Variants in IQGAP1 observed in about 807,000 individuals in gnomAD.
IQGAP1 encodes ras GTPase-activating-like protein IQGAP1.
IQGAP1 carries 66 observed loss-of-function variants against 215.6 expected under a neutral mutation model. The ratio of observed to expected loss-of-function variants is 0.31; its 90% confidence interval spans 0.25 to 0.38. The LOEUF (loss-of-function observed/expected upper bound fraction) is 0.38, where lower values mean the gene tolerates loss of function less well. Among genes scored for constraint, IQGAP1 ranks in the 10% least tolerant of loss-of-function variants. The pLI is 1.00. For missense variants in IQGAP1, 1,712 were observed against 1,997.1 expected, an observed-to-expected ratio of 0.86 and a Z score of 2.72; for synonymous variants, 772 against 728.7, an observed-to-expected ratio of 1.06 and a Z score of -0.96.
Position 90,500,797 on chromosome 15 carries a change from G to A in IQGAP1, c.*689G>A, listed in dbSNP as rs887541354. ...GTAACTCCCCGACTAGTGGATGGGA[G>A]AGTCCCATTGCTAAAATTCAGCTAC... On this transcript the variant is annotated 3_prime_UTR_variant, in exon 38 of 38. Coordinates refer to ENST00000268182, the MANE Select transcript of IQGAP1 (RefSeq NM_003870.4). The A allele has an allele frequency of 2.0e-5, 3 of 152,486 alleles. No homozygotes were observed. Among genetic ancestry groups the A allele is most frequent in the Non-Finnish European group, 2.9e-5 (2 of 68,040 alleles). The allele number at this position is 152,486 out of a possible 1,614,324, so 9.4% of individuals were successfully genotyped here.
rs1172036781 is a variant in IQGAP1, at chr15:90,453,299, G to A, written c.1487+7G>A. 3 of 1,605,758 alleles carry A rather than the reference G, an allele frequency of 1.9e-6. No homozygotes were observed. Among genetic ancestry groups the A allele is most frequent in the South Asian group, 1.1e-5 (1 of 89,928 alleles). On this transcript the variant is annotated splice_region_variant and intron_variant, in intron 13 of 37. Coordinates refer to ENST00000268182, the MANE Select transcript of IQGAP1 (RefSeq NM_003870.4). ...AGGAAGAAAACTGTCAGAGGTGGGT[G>A]TCCAGAGTGAAGGGAATAAATCCAT...
In IQGAP1 at chr15:90,486,004, A is replaced by G. The variant is rs892078296; in HGVS notation, c.3922-26A>G. ...ACGGGCTGAAGAGTTGAATGTATAA[A>G]TGGAGTTGATCATTGGTGTTTGCAG... On this transcript the variant is annotated intron_variant, in intron 30 of 37. Coordinates refer to ENST00000268182, the MANE Select transcript of IQGAP1 (RefSeq NM_003870.4). 3.2e-6 allele frequency: 5 copies of G among 1,559,034 alleles called. No homozygotes were observed. The Admixed American group carries it at 6.7e-5, about 21-fold the overall frequency.
chr15:90,486,747 C>T (rs927426706), intron 31 of IQGAP1: 26 of 546,074 alleles, frequency 4.8e-5, no homozygotes, highest in Non-Finnish European at 9.7e-6. Context: ...AATGATTTCT[C>T]AAACATTTAT....
At chr15:90,464,204 CG>C (rs1965799824) in intron 15 of IQGAP1, among the ~76,000 whole-genome samples, 1 of 152,136 alleles carries the variant, frequency 6.6e-6, no homozygotes, top group South Asian at 2.1e-4. Flanking sequence ...GTTGGGTCTG[CG>C]TAGATCACCA....
chr15:90,481,014 G>A (rs1165370963), intron 26 of IQGAP1, among the ~76,000 whole-genome samples: 2 of 152,046 alleles, frequency 1.3e-5, no homozygotes, highest in East Asian at 3.9e-4. Context: ...CCTCAAATTG[G>A]GTGGCTTAAA....
chr15:90,459,156 T>G (rs902195678), intron 15 of IQGAP1, among the ~76,000 whole-genome samples: 1 of 152,120 alleles, frequency 6.6e-6, no homozygotes, highest in South Asian at 2.1e-4. Flanking sequence ...TCTATCCAGT[T>G]GTTGTTACTT....
At chr15:90,486,701 A>AT in intron 31 of IQGAP1, 1 of 433,372 alleles carries the variant, frequency 2.3e-6, no homozygotes, top group Non-Finnish European at 4.1e-6. Context: ...GCCAGAAAGA[A>AT]TGTTTTCAGA....
Position 90,500,650 on chromosome 15 carries a change from T to G in IQGAP1, c.*542T>G, listed in dbSNP as rs1175988487. The G allele has an allele frequency of 6.6e-6, 1 of 152,292 alleles. No homozygotes were observed. Among genetic ancestry groups the G allele is most frequent in the Admixed American group, 6.5e-5 (1 of 15,292 alleles). The allele number at this position is 152,292 out of a possible 1,614,324, so 9.4% of individuals were successfully genotyped here. On this transcript the variant is annotated 3_prime_UTR_variant, in exon 38 of 38. Coordinates refer to ENST00000268182, the MANE Select transcript of IQGAP1 (RefSeq NM_003870.4). ...ATGGGGAATCATTGGTTATCTTCCA[T>G]TGTGTTTTTCTTTATGGACAGGAGC...
intron 15 of IQGAP1, among the ~76,000 whole-genome samples, chr15:90,459,526 A>G (rs1965732109): frequency 6.6e-6 from 1 of 152,196 alleles, no homozygotes; most frequent in East Asian, 1.9e-4. Context: ...CTTTTTGAGG[A>G]TGTGACTATA....
chr15:90,420,107 G>A (rs943676854), intron 2 of IQGAP1, among the ~76,000 whole-genome samples: 1 of 152,130 alleles, frequency 6.6e-6, no homozygotes, highest in Admixed American at 6.5e-5. Flanking sequence ...TTTACTTATG[G>A]AATTGTCAGC....
intron 32 of IQGAP1, 63 bp downstream of exon 32, chr15:90,487,152 A>G (rs1966138174): frequency 6.4e-7 from 1 of 1,559,920 alleles, no homozygotes; most frequent in Admixed American, 1.7e-5. Context: ...GCCTTTGGAG[A>G]GGAACCTGCT....
intron 1 of IQGAP1, among the ~76,000 whole-genome samples, chr15:90,389,039 G>A (rs913128241): frequency 6.6e-6 from 1 of 152,172 alleles, no homozygotes; most frequent in African/African-American, 2.4e-5. Context: ...GGCTAAAGGA[G>A]GACCCTTTGG....
At chr15:90,487,359 G>T (rs577764850) in intron 32 of IQGAP1, 136 bp from the exon 33 acceptor site, 132 of 693,306 alleles carry the variant, frequency 1.9e-4, no homozygotes, top group South Asian at 1.8e-3. Context: ...TGTGCCTTGA[G>T]TACTGTGTAC....
chr15:90,421,694 G>GT (rs1397672048), intron 2 of IQGAP1, among the ~76,000 whole-genome samples: 3 of 152,038 alleles, frequency 2.0e-5, no homozygotes, highest in African/African-American at 7.3e-5. Flanking sequence ...AGCCAGGTTT[G>GT]TTTGTTTGTC....
chr15:90,407,614 TCTAAC>T (rs1239427389), intron 2 of IQGAP1, among the ~76,000 whole-genome samples: 2 of 152,262 alleles, frequency 1.3e-5, no homozygotes, highest in Admixed American at 6.5e-5. Context: ...ATTGTTATGT[TCTAAC>T]CTAAGTATTT....
intron 8 of IQGAP1, among the ~76,000 whole-genome samples, chr15:90,442,942 A>C (rs532551180): frequency 6.6e-6 from 1 of 152,010 alleles, no homozygotes; most frequent in Non-Finnish European, 1.5e-5. Context: ...ATTGCACTGC[A>C]GCCTGGGTGA....
At chr15:90,459,631 T>G (rs961325880) in intron 15 of IQGAP1, among the ~76,000 whole-genome samples, 2 of 152,206 alleles carry the variant, frequency 1.3e-5, no homozygotes, top group Non-Finnish European at 2.9e-5. Context: ...TGCTTAACAT[T>G]GCCAGGCCCA....
At chr15:90,496,438 G>A (rs529883107) in intron 36 of IQGAP1, among the ~76,000 whole-genome samples, 2 of 148,242 alleles carry the variant, frequency 1.3e-5, no homozygotes, top group East Asian at 4.0e-4. Flanking sequence ...CAATTCTCCT[G>A]CCTCAGCCTT....
rs1555439594 is a variant in IQGAP1, at chr15:90,462,002, A to AAAG, written c.1777-3997_1777-3996insGAA. On this transcript the variant is annotated intron_variant, in intron 15 of 37. Transcript: ENST00000268182. ...AAAACACAAAAAAAAAAAAAAAAGAAAAAAAAAAAATTAGCCCGGCATGGT... is the reference window on the plus strand; with the variant it reads ...AAAACACAAAAAAAAAAAAAAAAGAAAAGAAAAAAAAAATTAGCCCGGCATGGT... Among the ~76,000 whole-genome samples, 140 of 143,444 alleles carry AAAG rather than the reference A, an allele frequency of 9.8e-4. 1 individual carries two copies. Among genetic ancestry groups the AAAG allele is most frequent in the African/African-American group, 3.5e-3 (136 of 39,098 alleles). 94.1% of individuals were successfully genotyped at this position (143,444 alleles called of 152,430 possible). A position where few individuals can be genotyped will look rare whatever the true frequency, so the allele number is the denominator to read the frequency against.
Sources: gnomAD v4.1 joint callset for allele counts (sites outside exome capture counted in the v4.1 genomes callset) on GRCh38, gnomAD v4.1.1 for gene constraint, MANE v1.5 for transcripts, NCBI Gene and HGNC (gene_info 2026-07-23, HGNC 2026-07-21) for gene names.